The following ADCY2 variants were observed in gnomAD, a reference collection of about 807,000 sequenced individuals.
ADCY2 encodes adenylate cyclase 2.
Under a neutral mutation model 125.2 loss-of-function variants are expected in ADCY2, and 31 were observed. The ratio of observed to expected loss-of-function variants is 0.25; its 90% confidence interval spans 0.19 to 0.33. ADCY2 has a LOEUF of 0.33. Ranked by LOEUF, ADCY2 falls within the 10% of genes least tolerant of loss-of-function variation. The pLI is 1.00. For missense variants in ADCY2, 904 were observed against 1,418.2 expected (o/e 0.64, Z 5.82); for synonymous variants, 512 against 548.4 (o/e 0.93, Z 0.93).
At chr5:7,759,706 G>T (rs950568112) in intron 16 of ADCY2, among the ~76,000 whole-genome samples, 1 of 152,186 alleles carries the variant, frequency 6.6e-6, no homozygotes, top group Non-Finnish European at 1.5e-5. Context: ...TCCAATTAGG[G>T]CTTAATCCAG....
intron 15 of ADCY2, among the ~76,000 whole-genome samples, chr5:7,756,519 G>A (rs1402630145): frequency 6.6e-6 from 1 of 152,162 alleles, no homozygotes; most frequent in Non-Finnish European, 1.5e-5. Context: ...GGAAATCTTG[G>A]CATAATGCTA....
chr5:7,396,264 G>C lies in ADCY2; in HGVS notation c.-33G>C. 2 of 1,081,546 alleles carry C rather than the reference G, an allele frequency of 1.8e-6. No individual in the cohort carries two copies. The highest frequency in any genetic ancestry group is 2.2e-6 in the Non-Finnish European group (2 of 891,126). 67.0% of individuals were successfully genotyped at this position (1,081,546 alleles called of 1,614,324 possible). On this transcript the variant is annotated 5_prime_UTR_variant, in exon 1 of 25. Transcript: ENST00000338316. The surrounding 1 kb of genome is among the most constrained non-coding windows in gnomAD (Gnocchi z 5.7). ...CGGCGAGCGGCGCTGCCCGGGCCGG[G>C]CGCGCACGGCGGGCGCCCTGTGAGC...
chr5:7,576,552 T>C (rs1736257644), intron 3 of ADCY2, among the ~76,000 whole-genome samples: 1 of 152,210 alleles, frequency 6.6e-6, no homozygotes, highest in African/African-American at 2.4e-5. Flanking sequence ...CAAGGGCTCT[T>C]GGGTAAGTAA....
chr5:7,665,079 T>A (rs1165334999), intron 4 of ADCY2, among the ~76,000 whole-genome samples: 1 of 152,124 alleles, frequency 6.6e-6, no homozygotes, highest in Non-Finnish European at 1.5e-5. Flanking sequence ...CCCTAAAATA[T>A]ATAAACCCAA....
rs545918514 is a variant in ADCY2 at position 7,655,113 on chromosome 5, G to A, written c.720+28797G>A. 1.1e-3 allele frequency among the ~76,000 whole-genome samples: 168 copies of A among 152,238 alleles called. 1 individual carries two copies. The highest frequency in any genetic ancestry group is 3.9e-3 in the African/African-American group (161 of 41,544). On this transcript the variant is annotated intron_variant, in intron 4 of 24. Transcript: ENST00000338316. ...GTCGTGGAAGTCGTCCTGAGCAGGC[G>A]TTTCCCATGACTGAGGGCTGGGACT... is the stretch of plus-strand genomic sequence containing the variant.
intron 8 of ADCY2, among the ~76,000 whole-genome samples, chr5:7,707,110 A>G (rs989259940): frequency 6.6e-6 from 1 of 152,206 alleles, no homozygotes; most frequent in Admixed American, 6.5e-5. Context: ...CCATAGTTCA[A>G]AGACTGTGAA....
intron 22 of ADCY2, among the ~76,000 whole-genome samples, chr5:7,812,001 A>T (rs968807329): frequency 9.2e-5 from 14 of 152,182 alleles, no homozygotes; most frequent in Non-Finnish European, 1.5e-4. Flanking sequence ...TCTGGGAGTG[A>T]ACCGGGAGTA....
chr5:7,584,394 A>G (rs1736550313), intron 3 of ADCY2, among the ~76,000 whole-genome samples: 1 of 152,136 alleles, frequency 6.6e-6, no homozygotes, highest in African/African-American at 2.4e-5. Context: ...GTCACTTTGC[A>G]CAATAAAATA....
intron 4 of ADCY2, among the ~76,000 whole-genome samples, chr5:7,677,891 T>C (rs1740188034): frequency 6.6e-6 from 1 of 152,194 alleles, no homozygotes; most frequent in Admixed American, 6.5e-5. Context: ...CGTGGGTGCA[T>C]AGCTGGTGAG....
chr5:7,819,495 C>T (rs1745228318), intron 23 of ADCY2, among the ~76,000 whole-genome samples: 1 of 152,174 alleles, frequency 6.6e-6, no homozygotes, highest in Non-Finnish European at 1.5e-5. Context: ...TTGAATGGAC[C>T]TCCTTCCAGT....
chr5:7,487,143 T>TTAA (rs1320119102), intron 2 of ADCY2, among the ~76,000 whole-genome samples: 1 of 152,192 alleles, frequency 6.6e-6, no homozygotes, highest in Non-Finnish European at 1.5e-5. Context: ...CAGGAAAGTA[T>TTAA]TATGGTCCTT....
chr5:7,526,664 A>G (rs1422514597), intron 3 of ADCY2, among the ~76,000 whole-genome samples: 4 of 152,232 alleles, frequency 2.6e-5, no homozygotes, highest in Admixed American at 2.6e-4. Flanking sequence ...CACATTTTGA[A>G]CACAGCAATT....
chr5:7,761,817 G>T (rs1168883756), intron 16 of ADCY2, among the ~76,000 whole-genome samples: 2 of 152,186 alleles, frequency 1.3e-5, no homozygotes, highest in Non-Finnish European at 2.9e-5. Flanking sequence ...TGTTTGACAA[G>T]CTGATCATTT....
chr5:7,622,729 G>A (rs986830661), intron 3 of ADCY2, among the ~76,000 whole-genome samples: 1 of 152,218 alleles, frequency 6.6e-6, no homozygotes, highest in East Asian at 1.9e-4. Flanking sequence ...TGCTTGGGAT[G>A]AGCTTCTGTT....
chr5:7,703,256 T>C (rs527448856), intron 7 of ADCY2, among the ~76,000 whole-genome samples: 152 of 152,348 alleles, frequency 1.0e-3, no homozygotes, highest in African/African-American at 3.4e-3. Flanking sequence ...ATTTTGGCTT[T>C]TGTTGCCATT....
chr5:7,538,841 T>G (rs1455882084), intron 3 of ADCY2, among the ~76,000 whole-genome samples: 1 of 139,926 alleles, frequency 7.1e-6, no homozygotes, highest in Non-Finnish European at 1.5e-5. Context: ...ATTTCTTTTT[T>G]CTTTTTTTCT....
intron 4 of ADCY2, among the ~76,000 whole-genome samples, chr5:7,677,847 T>C (rs1740186136): frequency 6.6e-6 from 1 of 152,182 alleles, no homozygotes. Flanking sequence ...ATATTAATGC[T>C]TCCTAAACCA....
intron 1 of ADCY2, among the ~76,000 whole-genome samples, chr5:7,398,665 G>C (rs947276127): frequency 2.6e-5 from 4 of 152,188 alleles, no homozygotes; most frequent in Admixed American, 2.0e-4. Flanking sequence ...CCTTCAAAGA[G>C]ATAAGCTGTG....
intron 2 of ADCY2, among the ~76,000 whole-genome samples, chr5:7,459,108 T>C (rs1265545072): frequency 6.6e-6 from 1 of 152,202 alleles, no homozygotes; most frequent in East Asian, 1.9e-4. Context: ...GCGGATCTTC[T>C]GACATACTTC....
Sources: gnomAD v4.1 joint callset for allele counts (sites outside exome capture counted in the v4.1 genomes callset) on GRCh38, gnomAD v4.1.1 for gene constraint, Gnocchi (gnomAD v3.1) non-coding constraint, MANE v1.5 for transcripts, NCBI Gene and HGNC (gene_info 2026-07-23, HGNC 2026-07-21) for gene names.